ZNF516: variants seen among roughly 807,000 people sequenced by gnomAD.
The protein encoded by ZNF516 is zinc finger protein 516.
Under a neutral mutation model 79.7 loss-of-function variants are expected in ZNF516, and 19 were observed. The ratio of observed to expected loss-of-function variants is 0.24; its 90% confidence interval spans 0.17 to 0.35. ZNF516 has a LOEUF of 0.35. ZNF516 is among the 10% of genes least tolerant of loss of function. The pLI, the probability that ZNF516 is intolerant of heterozygous loss-of-function variation, is 1.00. For synonymous variants in ZNF516, 877 were observed against 739.5 expected (o/e 1.19, Z -3.02); for missense variants, 1,678 against 1,679.5 (o/e 1.00, Z 0.02).
At chr18:76,474,445 A>G (rs1217333354) in intron 1 of ZNF516, among the ~76,000 whole-genome samples, 4 of 152,214 alleles carry the variant, frequency 2.6e-5, no homozygotes, top group African/African-American at 9.6e-5. Context: ...CACTCATAGA[A>G]GTTCAGCCAT....
At chr18:76,388,228 G>A (rs2075021092) in intron 3 of ZNF516, 1 of 152,214 alleles carries the variant, frequency 6.6e-6, no homozygotes. Context: ...CTGGACACCA[G>A]ACAAGGACCC....
intron 2 of ZNF516, among the ~76,000 whole-genome samples, chr18:76,458,528 G>A (rs547207037): frequency 6.8e-4 from 104 of 152,372 alleles, no homozygotes; most frequent in African/African-American, 2.2e-3. Context: ...AGACAGGTAC[G>A]AAGGGAATCC....
chr18:76,369,629 C>T (rs2074670459), intron 6 of ZNF516, among the ~76,000 whole-genome samples: 1 of 152,064 alleles, frequency 6.6e-6, no homozygotes, highest in South Asian at 2.1e-4. Context: ...GTCTTAACTG[C>T]CCTCATCCTC....
At position 76,441,341 on chromosome 18, in the gene ZNF516, C is replaced by A; in HGVS notation, c.1714G>T (p.Gly572Cys). The A allele has an allele frequency of 6.2e-7, 1 of 1,611,720 alleles. No individual in the cohort carries two copies. Among genetic ancestry groups the A allele is most frequent in the Non-Finnish European group, 8.5e-7 (1 of 1,179,500 alleles). The change falls in exon 3 of 7, where the codon GGC (glycine) becomes TGC (cysteine). Residue 572 changes from glycine (G) to cysteine (C), a missense_variant. Gly to Cys is a radical substitution (Grantham distance 159). This residue lies in a region of ZNF516 where 1,294 missense variants were observed against 1,248.3 expected (regional missense o/e 1.04). Coordinates refer to ENST00000443185, the MANE Select transcript of ZNF516 (RefSeq NM_014643.4). ...GAGTCAGCAGCGGCACAGGCGGAGC[C>A]AGGGCTGCTGGGCTGGGAGGCCGAG... ...GDSASQPSSP[G>C]SACAAADSPG... is the part of the protein sequence containing the mutation.
intron 3 of ZNF516, among the ~76,000 whole-genome samples, chr18:76,400,737 C>T (rs1249935506): frequency 6.6e-6 from 1 of 152,178 alleles, no homozygotes. Context: ...TTCTACAGCT[C>T]CCACATGCAG....
intron 3 of ZNF516, among the ~76,000 whole-genome samples, chr18:76,381,276 G>C (rs1296249801): frequency 6.6e-6 from 1 of 152,160 alleles, no homozygotes; most frequent in African/African-American, 2.4e-5. Flanking sequence ...TTTATGTTTT[G>C]CATTTACGGC....
Position 76,493,097 on chromosome 18 carries a change from T to C in ZNF516, c.-272+2047A>G, listed in dbSNP as rs1599177265. On this transcript the variant is annotated intron_variant, in intron 1 of 6. Transcript: ENST00000443185. This position sits in a 1 kb window ranked among gnomAD's most constrained non-coding sequence, Gnocchi z 5.2. ...AGGGAGACTTCGCAAAGCTGTTTCC[T>C]TTTTTTTTTTTCCTCCTCTCCTCCC... The C allele has an allele frequency of 3.2e-6, 1 of 308,494 alleles. No homozygotes were observed. Among genetic ancestry groups the C allele is most frequent in the Non-Finnish European group, 4.4e-6 (1 of 226,890 alleles). The allele number at this position is 308,494 out of a possible 1,614,324, so 19.1% of individuals were successfully genotyped here. A position where few individuals can be genotyped will look rare whatever the true frequency, so the allele number is the denominator to read the frequency against.
intron 1 of ZNF516, chr18:76,491,619 C>A: frequency 1.8e-6 from 1 of 570,234 alleles, no homozygotes; most frequent in Non-Finnish European, 2.2e-6. Flanking sequence ...CGCCCCTTCC[C>A]GCCCCGCCCA....
chr18:76,480,494 TACACACACAC>T lies in ZNF516; in HGVS notation c.-272+14640_-272+14649del, dbSNP rs910430019. ...ATATATACACACACACATATACACA[TACACACACAC>T]ACACACACACACACACACACATATA... On this transcript the variant is annotated intron_variant, in intron 1 of 6. Coordinates refer to ENST00000443185, the MANE Select transcript of ZNF516 (RefSeq NM_014643.4). Among the ~76,000 whole-genome samples the T allele has an allele frequency of 9.9e-5, 13 of 131,152 alleles. No homozygotes were observed. The South Asian group carries it at 1.5e-3, about 15-fold the overall frequency. 86.0% of individuals were successfully genotyped at this position (131,152 alleles called of 152,430 possible).
chr18:76,488,080 T>C lies in ZNF516; in HGVS notation c.-272+7064A>G, dbSNP rs1478039602. 3.0e-6 allele frequency: 3 copies of C among 984,798 alleles called. No homozygotes were observed. The African/African-American group carries it at 5.3e-5, about 17-fold the overall frequency. 61.0% of individuals were successfully genotyped at this position (984,798 alleles called of 1,614,324 possible). Reference sequence around the variant, plus strand: ...CCACCTCCATCTGCCTCCGAGAACCTCCACATCCCTCGGTGCCTCTCATAC... The same window carrying C: ...CCACCTCCATCTGCCTCCGAGAACCCCCACATCCCTCGGTGCCTCTCATAC... On this transcript the variant is annotated intron_variant, in intron 1 of 6. Coordinates refer to ENST00000443185, the MANE Select transcript of ZNF516 (RefSeq NM_014643.4).
intron 3 of ZNF516, among the ~76,000 whole-genome samples, chr18:76,402,934 G>GAGTCGAAGCT: frequency 6.6e-6 from 1 of 152,354 alleles, no homozygotes; most frequent in East Asian, 1.9e-4. Flanking sequence ...TTGTGCCACA[G>GAGTCGAAGCT]AGTCGAAGCT....
Position 76,379,708 on chromosome 18 carries a change from G to A in ZNF516, c.2406C>T (p.Ser802=), listed in dbSNP as rs375553115. ...PPWIQPNGYK[S]IRSNLVFLSR... ...AAAGGAAAACCAAATTGCTTCTGAT[G>A]CTTTTGTAACCATTGGGCTGAATCC... is the stretch of plus-strand genomic sequence containing the variant. Residue 802 remains serine (S), a synonymous_variant, in exon 4 of 7, where the codon AGC becomes AGT. Coordinates refer to ENST00000443185, the MANE Select transcript of ZNF516 (RefSeq NM_014643.4). 57 of 1,613,702 alleles carry A rather than the reference G, an allele frequency of 3.5e-5. No individual in the cohort carries two copies. The highest frequency in any genetic ancestry group is 4.7e-5 in the Non-Finnish European group (55 of 1,179,900).
intron 1 of ZNF516, among the ~76,000 whole-genome samples, chr18:76,473,903 TGGG>T: frequency 1.8e-5 from 1 of 54,170 alleles, no homozygotes; most frequent in African/African-American, 9.0e-5. Flanking sequence ...TGTTTTTGTG[TGGG>T]GGGGGGGGGG....
rs745729483 is a variant in ZNF516 at position 76,379,311 on chromosome 18, C to T, written c.2803G>A (p.Val935Ile). Residue 935 changes from valine (V) to isoleucine (I), a missense_variant, in exon 4 of 7, where the codon GTC becomes ATC. By Grantham distance (29) the Val-to-Ile change is conservative (BLOSUM62 3). Coordinates refer to ENST00000443185, the MANE Select transcript of ZNF516 (RefSeq NM_014643.4). ...FSRSATPTPT[V>I]IARAGAQPSA... ...GGCTGCGCGCCAGCCCGGGCGATGACGGTGGGCGTAGGGGTGGCGCTCCTG... is the reference window on the plus strand; with the variant it reads ...GGCTGCGCGCCAGCCCGGGCGATGATGGTGGGCGTAGGGGTGGCGCTCCTG... 14 of 1,605,538 alleles carry T rather than the reference C, an allele frequency of 8.7e-6. No homozygotes were observed. The highest frequency in any genetic ancestry group is 4.0e-5 in the African/African-American group (3 of 74,666).
At chr18:76,470,255 C>T (rs571965359) in intron 1 of ZNF516, among the ~76,000 whole-genome samples, 2 of 152,242 alleles carry the variant, frequency 1.3e-5, no homozygotes, top group East Asian at 1.9e-4. Flanking sequence ...CTTTGCTTGG[C>T]GTTTTCCCCC....
chr18:76,483,329 G>A (rs1475491172), intron 1 of ZNF516, among the ~76,000 whole-genome samples: 1 of 152,122 alleles, frequency 6.6e-6, no homozygotes, highest in Non-Finnish European at 1.5e-5. Context: ...CAGCTCTCTG[G>A]GGTCCCCAAC....
intron 3 of ZNF516, among the ~76,000 whole-genome samples, chr18:76,423,550 C>CT (rs2145395397): frequency 7.0e-6 from 1 of 142,544 alleles, no homozygotes; most frequent in Admixed American, 7.0e-5. Flanking sequence ...TTCCCCGAAA[C>CT]ACACGCAGGT....
At chr18:76,427,922 T>C (rs2075616061) in intron 3 of ZNF516, among the ~76,000 whole-genome samples, 1 of 152,178 alleles carries the variant, frequency 6.6e-6, no homozygotes, top group Non-Finnish European at 1.5e-5. Flanking sequence ...ACTTTTTTTG[T>C]TTCATAAAGG....
intron 3 of ZNF516, among the ~76,000 whole-genome samples, chr18:76,440,841 T>C (rs952391268): frequency 1.3e-5 from 2 of 152,120 alleles, no homozygotes; most frequent in Non-Finnish European, 2.9e-5. Context: ...TCAGAAGGGA[T>C]CCATGATGGT....
Sources: gnomAD v4.1 joint callset for allele counts (sites outside exome capture counted in the v4.1 genomes callset) on GRCh38, gnomAD v4.1.1 for gene constraint, gnomAD v4.1.1 regional missense constraint, Gnocchi (gnomAD v3.1) non-coding constraint, MANE v1.5 for transcripts, NCBI Gene and HGNC (gene_info 2026-07-23, HGNC 2026-07-21) for gene names.